ADCY8: variants seen among roughly 807,000 people sequenced by gnomAD.
The protein encoded by ADCY8 is adenylate cyclase 8.
Under a neutral mutation model 119.7 loss-of-function variants are expected in ADCY8, and 51 were observed. The observed-to-expected ratio is 0.43, with a 90% CI of 0.34 to 0.54. The LOEUF (loss-of-function observed/expected upper bound fraction) is 0.54. Ranked by LOEUF, ADCY8 falls within the 20% of genes least tolerant of loss-of-function variation. The pLI is 0.03. For synonymous variants in ADCY8, 665 were observed against 651.0 expected, an observed-to-expected ratio of 1.02 and a Z score of -0.33; for missense variants, 1,383 against 1,598.8, an observed-to-expected ratio of 0.87 and a Z score of 2.30.
In ADCY8 at chr8:130,783,790, A is replaced by G. The variant is rs760614026; in HGVS notation, c.3169T>C (p.Trp1057Arg). Residue 1057 changes from tryptophan (W) to arginine (R), a missense_variant, in exon 17 of 18, where the codon TGG becomes CGG. Physicochemically the swap from Trp to Arg is moderately radical, Grantham distance 101. This residue lies in a region of ADCY8 where 928 missense variants were observed against 1,163.5 expected (regional missense o/e 0.80). Coordinates refer to ENST00000286355, the MANE Select transcript of ADCY8 (RefSeq NM_001115.3). Reference sequence around the variant, plus strand: ...TCAGCCAGAGCACACAAATGTCCCCACTTGTCTTCACATTGCTGAAGCAAA... The same window carrying G: ...TCAGCCAGAGCACACAAATGTCCCCGCTTGTCTTCACATTGCTGAAGCAAA... ...SPEKQQCEDK[W>R]GHLCALADFS... 2 of 1,613,082 alleles carry G rather than the reference A, an allele frequency of 1.2e-6. No individual in the cohort carries two copies. Among genetic ancestry groups the G allele is most frequent in the Non-Finnish European group, 1.7e-6 (2 of 1,179,528 alleles).
intron 15 of ADCY8, among the ~76,000 whole-genome samples, chr8:130,794,211 A>G (rs902229825): frequency 5.9e-5 from 9 of 151,944 alleles, no homozygotes; most frequent in African/African-American, 2.2e-4. Context: ...TTGCTTCCGG[A>G]ATTGTGAAAG....
chr8:130,902,943 T>C (rs1241744994), intron 7 of ADCY8, among the ~76,000 whole-genome samples: 2 of 152,046 alleles, frequency 1.3e-5, no homozygotes, highest in East Asian at 1.9e-4. Context: ...CTAAATGTGC[T>C]GTGTCTAAGA....
rs765725170 is a variant in ADCY8, at chr8:130,814,194, G to T, written c.2788C>A (p.Arg930=). Residue 930 remains arginine (R), a synonymous_variant, in exon 14 of 18, where the codon CGA becomes AGA. Transcript: ENST00000286355. ...TTGATCTCCTCTTTGGCCTGTACTCGCCAAAGGAAGTCCAGGCGGGCTGTG... is the reference window on the plus strand; with the variant it reads ...TTGATCTCCTCTTTGGCCTGTACTCTCCAAAGGAAGTCCAGGCGGGCTGTG... ...EYTARLDFLW[R]VQAKEEINEM... is the part of the protein sequence containing the mutation. 5 of 1,613,870 alleles carry T rather than the reference G, an allele frequency of 3.1e-6. No homozygotes were observed. The highest frequency in any genetic ancestry group is 1.7e-6 in the Non-Finnish European group (2 of 1,180,020).
chr8:130,794,319 A>G (rs1018102506), intron 15 of ADCY8, among the ~76,000 whole-genome samples: 1 of 152,158 alleles, frequency 6.6e-6, no homozygotes, highest in African/African-American at 2.4e-5. Flanking sequence ...ATCTCGGCTC[A>G]CTGCAACCTC....
rs763224121 is a variant in ADCY8, at chr8:131,040,026, G to C, written c.308C>G (p.Thr103Ser). ...SLGPGERAHSTCGTKVFPERS... is the reference protein window; with the variant it reads ...SLGPGERAHSSCGTKVFPERS... ...TTCCGGGAAGACTTTGGTGCCGCAG[G>C]TGCTGTGCGCTCGCTCTCCCGGGCC... is the stretch of plus-strand genomic sequence containing the variant. The change falls in exon 1 of 18, where the codon ACC becomes AGC. Residue 103 changes from threonine (T) to serine (S), a missense_variant. Coordinates refer to ENST00000286355, the MANE Select transcript of ADCY8 (RefSeq NM_001115.3). 1.9e-6 allele frequency: 3 copies of C among 1,554,072 alleles called. No homozygotes were observed. The South Asian group carries it at 3.5e-5, about 18-fold the overall frequency.
At chr8:130,933,394 T>A (rs1485999042) in intron 5 of ADCY8, among the ~76,000 whole-genome samples, 1 of 152,214 alleles carries the variant, frequency 6.6e-6, no homozygotes, top group African/African-American at 2.4e-5. Context: ...GGCATTTTCT[T>A]CTAAACACAT....
chr8:130,882,858 G>T (rs1010510457), intron 8 of ADCY8, among the ~76,000 whole-genome samples: 1 of 152,164 alleles, frequency 6.6e-6, no homozygotes, highest in Non-Finnish European at 1.5e-5. Context: ...GAGTATCTCG[G>T]TAAGAGTCAG....
intron 2 of ADCY8, among the ~76,000 whole-genome samples, chr8:130,981,337 T>C (rs1256344864): frequency 6.6e-6 from 1 of 152,250 alleles, no homozygotes; most frequent in Non-Finnish European, 1.5e-5. Context: ...ATAAGCTATT[T>C]TAGGCATGGG....
At chr8:130,959,620 G>A (rs970407642) in intron 2 of ADCY8, among the ~76,000 whole-genome samples, 1 of 152,220 alleles carries the variant, frequency 6.6e-6, no homozygotes, top group East Asian at 1.9e-4. Flanking sequence ...ATGTGAAAGA[G>A]ACACAAATGG....
rs1025347845 is a variant in ADCY8, at chr8:131,027,132, T to G, written c.960+12242A>C. Among the ~76,000 whole-genome samples, 7 of 152,216 alleles carry G rather than the reference T, an allele frequency of 4.6e-5. No individual in the cohort carries two copies. In the South Asian group the frequency reaches 1.4e-3, roughly 32 times the overall value. ...GCTTGAAGGACTGCTCATTTTTTTGTCAAATTCTGCTTATCTCTCTGCCCC... is the reference window on the plus strand; with the variant it reads ...GCTTGAAGGACTGCTCATTTTTTTGGCAAATTCTGCTTATCTCTCTGCCCC... On this transcript the variant is annotated intron_variant, in intron 1 of 17. Transcript: ENST00000286355.
intron 14 of ADCY8, among the ~76,000 whole-genome samples, chr8:130,802,976 G>A (rs1466170152): frequency 2.6e-5 from 4 of 152,284 alleles, no homozygotes; most frequent in South Asian, 2.1e-4. Flanking sequence ...AGCTCCAGTC[G>A]CCCACAGAGG....
At chr8:130,898,995 G>A (rs1279122784) in intron 7 of ADCY8, among the ~76,000 whole-genome samples, 1 of 152,170 alleles carries the variant, frequency 6.6e-6, no homozygotes, top group African/African-American at 2.4e-5. Flanking sequence ...TTGCAGGACG[G>A]AGGTCCCAGC....
intron 3 of ADCY8, among the ~76,000 whole-genome samples, chr8:130,950,748 G>A (rs1821244878): frequency 1.3e-5 from 2 of 152,148 alleles, no homozygotes; most frequent in Non-Finnish European, 2.9e-5. Context: ...TTGCCAGGCT[G>A]GAGTTCAGTG....
chr8:130,896,584 G>A (rs1472059444), intron 7 of ADCY8, among the ~76,000 whole-genome samples: 1 of 152,114 alleles, frequency 6.6e-6, no homozygotes, highest in Admixed American at 6.6e-5. Flanking sequence ...CTTGAAAGCA[G>A]GCAAAGTGTG....
At chr8:130,921,733 G>A (rs1317551848) in intron 5 of ADCY8, among the ~76,000 whole-genome samples, 3 of 152,104 alleles carry the variant, frequency 2.0e-5, no homozygotes, top group African/African-American at 7.2e-5. Flanking sequence ...GATTACAGGT[G>A]TGAGCCACTG....
At position 130,952,010 on chromosome 8, in the gene ADCY8, G is replaced by T; in HGVS notation, c.1111-12C>A. 6.2e-7 allele frequency: 1 copy of T among 1,613,802 alleles called. No individual in the cohort carries two copies. The highest frequency in any genetic ancestry group is 8.5e-7 in the Non-Finnish European group (1 of 1,179,812). ...AGCACGAGCCGCTCCTGGAACAAAT[G>T]AAGAGGGACGGTCCTGTTAGGCTGA... is the stretch of plus-strand genomic sequence containing the variant. On this transcript the variant is annotated splice_polypyrimidine_tract_variant and intron_variant, in intron 2 of 17. Coordinates refer to ENST00000286355, the MANE Select transcript of ADCY8 (RefSeq NM_001115.3).
At chr8:130,872,080 A>G (rs1028646741) in intron 8 of ADCY8, among the ~76,000 whole-genome samples, 28 of 152,208 alleles carry the variant, frequency 1.8e-4, no homozygotes, top group African/African-American at 5.3e-4. Flanking sequence ...GACACTTGGA[A>G]CAAATTACAA....
intron 2 of ADCY8, among the ~76,000 whole-genome samples, chr8:130,978,494 T>C (rs990335621): frequency 1.3e-5 from 2 of 152,226 alleles, no homozygotes; most frequent in Admixed American, 1.3e-4. Context: ...GAAATGCTCA[T>C]TGGAAATGTT....
At chr8:130,984,068 C>T (rs1822320188) in intron 2 of ADCY8, among the ~76,000 whole-genome samples, 1 of 149,094 alleles carries the variant, frequency 6.7e-6, no homozygotes, top group South Asian at 2.1e-4. Flanking sequence ...GTCTGGGCTT[C>T]CTATCAGGGG....
Sources: allele counts gnomAD v4.1 joint callset (sites outside exome capture counted in the v4.1 genomes callset), GRCh38; gene constraint gnomAD v4.1.1; regional missense constraint gnomAD v4.1.1; transcripts MANE v1.5; gene names NCBI Gene and HGNC (gene_info 2026-07-23, HGNC 2026-07-21).